UBAC2: variants seen among roughly 807,000 people sequenced by gnomAD.
The protein encoded by UBAC2 is UBA domain containing 2.
Under a neutral mutation model 44.0 loss-of-function variants are expected in UBAC2, and 26 were observed. The observed-to-expected ratio is 0.59, with a 90% confidence interval of 0.43 to 0.82. The LOEUF (loss-of-function observed/expected upper bound fraction) is 0.82. Ranked by LOEUF, UBAC2 falls within the 40% of genes least tolerant of loss-of-function variation. The pLI is 0.00. For missense variants in UBAC2, 329 were observed against 419.4 expected, an observed-to-expected ratio of 0.78 and a Z score of 1.88; for synonymous variants, 155 against 154.3, an observed-to-expected ratio of 1.00 and a Z score of -0.04.
At chr13:99,244,802 A>T (rs1300491075) in intron 4 of UBAC2, among the ~76,000 whole-genome samples, 178 bp downstream of exon 4, 3 of 109,500 alleles carry the variant, frequency 2.7e-5, no homozygotes, top group Non-Finnish European at 7.1e-5. Flanking sequence ...TTGAAATAGA[A>T]TCAATTTTAT....
rs1184826894 is a variant in UBAC2 at position 99,258,213 on chromosome 13, C to T, written c.389+13589C>T. On this transcript the variant is annotated intron_variant, in intron 4 of 8. Transcript: ENST00000403766. ...CATTTTTCAGCACTTCCACTTCTGT[C>T]GAAGGGATATCTTTGAGTTGCTTCT... The T allele has an allele frequency of 3.3e-5, 5 of 152,354 alleles. No individual in the cohort carries two copies. The South Asian group carries it at 1.0e-3, about 32-fold the overall frequency. The allele number at this position is 152,354 out of a possible 1,614,324, so 9.4% of individuals were successfully genotyped here.
chr13:99,371,515 C>G (rs1391939346), intron 8 of UBAC2, among the ~76,000 whole-genome samples: 1 of 152,100 alleles, frequency 6.6e-6, no homozygotes, highest in Non-Finnish European at 1.5e-5. Context: ...CCTCAAGATG[C>G]TTACAAAAAA....
chr13:99,350,925 TG>T (rs2045076105), intron 7 of UBAC2, among the ~76,000 whole-genome samples: 1 of 152,222 alleles, frequency 6.6e-6, no homozygotes, highest in South Asian at 2.1e-4. Flanking sequence ...GAGCACTGCT[TG>T]GGGTATGAAG....
In UBAC2 at chr13:99,308,280, G is replaced by C. The variant is rs1166944481; in HGVS notation, c.390-5817G>C. 7.2e-4 allele frequency among the ~76,000 whole-genome samples: 110 copies of C among 152,288 alleles called. 2 individuals carry two copies. The highest frequency in any genetic ancestry group is 4.4e-5 in the Non-Finnish European group (3 of 68,018). On this transcript the variant is annotated intron_variant, in intron 4 of 8. Transcript: ENST00000403766. ...ATAGATAACACCTGTGGCAGTGAGG[G>C]GCCTGGATAGCAGGTCTTAGGAGAA...
intron 1 of UBAC2, among the ~76,000 whole-genome samples, chr13:99,232,991 A>G (rs1287729698): frequency 1.3e-5 from 2 of 152,252 alleles, no homozygotes; most frequent in Non-Finnish European, 2.9e-5. Context: ...TTAAATTTGA[A>G]TTGGAAATAT....
intron 6 of UBAC2, among the ~76,000 whole-genome samples, chr13:99,337,887 C>G (rs2044813942): frequency 6.6e-6 from 1 of 152,050 alleles, no homozygotes. Flanking sequence ...TCCACAGGGC[C>G]TAGACCCTCT....
intron 6 of UBAC2, among the ~76,000 whole-genome samples, chr13:99,324,763 G>T (rs1291450724): frequency 6.6e-6 from 1 of 152,144 alleles, no homozygotes; most frequent in Non-Finnish European, 1.5e-5. Context: ...GTGGCCCTGT[G>T]GATTCTAATG....
rs756827927 is a variant in UBAC2 at position 99,268,611 on chromosome 13, CAAAAAAAAAA to C, written c.389+24001_389+24010del. Among the ~76,000 whole-genome samples the C allele has an allele frequency of 2.1e-4, 16 of 75,712 alleles. No homozygotes were observed. In the South Asian group the frequency reaches 3.0e-3, roughly 14 times the overall value. The allele number at this position is 75,712 out of a possible 152,430, so 49.7% of individuals were successfully genotyped here. On this transcript the variant is annotated intron_variant, in intron 4 of 8. Transcript: ENST00000403766. ...TGGGCTACAGAGTGAGACTCTGTCT[CAAAAAAAAAA>C]AAAAAAAAAAAAAGAAACACAAAAG...
intron 4 of UBAC2, among the ~76,000 whole-genome samples, chr13:99,281,445 T>G (rs980774999): frequency 6.6e-6 from 1 of 152,170 alleles, no homozygotes; most frequent in Admixed American, 6.5e-5. Flanking sequence ...GGATACCATG[T>G]GTCCGGCATT....
At chr13:99,356,561 A>G (rs2045186879) in intron 7 of UBAC2, among the ~76,000 whole-genome samples, 1 of 152,210 alleles carries the variant, frequency 6.6e-6, no homozygotes, top group African/African-American at 2.4e-5. Context: ...ACAAAGGAAA[A>G]GTGAAACCGA....
chr13:99,258,852 T>C (rs2043614320), intron 4 of UBAC2, among the ~76,000 whole-genome samples: 1 of 152,234 alleles, frequency 6.6e-6, no homozygotes, highest in Non-Finnish European at 1.5e-5. Context: ...TACCAAGTTA[T>C]TAAAAATCAT....
intron 1 of UBAC2, among the ~76,000 whole-genome samples, chr13:99,218,004 T>A (rs1001331520): frequency 6.6e-6 from 1 of 152,234 alleles, no homozygotes. Context: ...TCTTACAGTT[T>A]ATCACATGGT....
intron 4 of UBAC2, among the ~76,000 whole-genome samples, chr13:99,294,352 T>C (rs1201059202): frequency 6.6e-6 from 1 of 152,174 alleles, no homozygotes; most frequent in Non-Finnish European, 1.5e-5. Flanking sequence ...TAAAGTCTTT[T>C]TCATATTGCT....
chr13:99,204,599 C>T (rs1307580459), intron 1 of UBAC2, among the ~76,000 whole-genome samples: 3 of 152,014 alleles, frequency 2.0e-5, no homozygotes, highest in South Asian at 2.1e-4. Context: ...GGGGGACACC[C>T]GGGAGGAGAC....
intron 7 of UBAC2, among the ~76,000 whole-genome samples, chr13:99,361,035 G>A (rs1431174324): frequency 1.3e-5 from 2 of 152,160 alleles, no homozygotes; most frequent in Admixed American, 6.5e-5. Flanking sequence ...AATGCCTGTA[G>A]AACATGGATT....
Position 99,245,760 on chromosome 13 carries a change from G to C in UBAC2, c.389+1136G>C, listed in dbSNP as rs201594389. On this transcript the variant is annotated intron_variant, in intron 4 of 8. Coordinates refer to ENST00000403766, the MANE Select transcript of UBAC2 (RefSeq NM_001144072.2). ...TGAGGCAGAAGAATCACTTGAACCC[G>C]GGAGGCAGAGGTTGCAGTGAGCGGA... 1.7e-4 allele frequency among the ~76,000 whole-genome samples: 26 copies of C among 152,290 alleles called. No individual in the cohort carries two copies. The East Asian group carries it at 4.8e-3, about 28-fold the overall frequency.
At chr13:99,242,195 C>T (rs201071651) in intron 2 of UBAC2, among the ~76,000 whole-genome samples, 11 of 152,204 alleles carry the variant, frequency 7.2e-5, no homozygotes, top group South Asian at 2.1e-4. Context: ...CCTTTCCCCC[C>T]CTTCTATTCC....
rs1220627736 is a variant in UBAC2 at position 99,295,636 on chromosome 13, A to G, written c.390-18461A>G. 22 of 1,614,118 alleles carry G rather than the reference A, an allele frequency of 1.4e-5. No homozygotes were observed. The highest frequency in any genetic ancestry group is 1.9e-5 in the Non-Finnish European group (22 of 1,180,030). On this transcript the variant is annotated intron_variant, in intron 4 of 8. Coordinates refer to ENST00000403766, the MANE Select transcript of UBAC2 (RefSeq NM_001144072.2). The surrounding 1 kb of genome is among the most constrained non-coding windows in gnomAD (Gnocchi z 4.1). Reference sequence around the variant, plus strand: ...TCCTTTCAGCCTCCTGCTTTGACATAGGGTTGATGAGGAGTGGGAGTGTCT... The same window carrying G: ...TCCTTTCAGCCTCCTGCTTTGACATGGGGTTGATGAGGAGTGGGAGTGTCT...
At chr13:99,303,164 T>A (rs2138736752) in intron 4 of UBAC2, among the ~76,000 whole-genome samples, 1 of 152,270 alleles carries the variant, frequency 6.6e-6, no homozygotes, top group Admixed American at 6.5e-5. Context: ...GAAAGGCCAT[T>A]TATAGGACCA....
Sources: gnomAD v4.1 joint callset for allele counts (sites outside exome capture counted in the v4.1 genomes callset) on GRCh38, gnomAD v4.1.1 for gene constraint, Gnocchi (gnomAD v3.1) non-coding constraint, MANE v1.5 for transcripts, NCBI Gene and HGNC (gene_info 2026-07-23, HGNC 2026-07-21) for gene names.